Variants in CYRIB observed in about 807,000 individuals in gnomAD.
CYRIB encodes the protein CYFIP related Rac1 interactor B.
CYRIB carries 8 observed loss-of-function variants against 44.2 expected under a neutral mutation model. That is an observed-to-expected ratio of 0.18 (90% CI 0.11 to 0.33). The LOEUF is 0.33. CYRIB is among the 10% of genes least tolerant of loss of function. CYRIB has a pLI of 1.00. For missense variants in CYRIB, 185 were observed against 382.8 expected (o/e 0.48, Z 4.31); for synonymous variants, 131 against 127.2 (o/e 1.03, Z -0.20).
At chr8:129,932,876 C>G (rs1486750861) in intron 1 of CYRIB, among the ~76,000 whole-genome samples, 1 of 152,132 alleles carries the variant, frequency 6.6e-6, no homozygotes, top group African/African-American at 2.4e-5. Flanking sequence ...GACTCCCCCA[C>G]CTGTTTACCT....
intron 1 of CYRIB, among the ~76,000 whole-genome samples, chr8:130,007,771 C>T (rs1348163180): frequency 6.7e-6 from 1 of 150,056 alleles, no homozygotes; most frequent in Admixed American, 6.6e-5. Flanking sequence ...GCAACAAGAG[C>T]GAAACTCCAT....
At chr8:129,963,052 C>T (rs2095334266) in intron 2 of CYRIB, among the ~76,000 whole-genome samples, 1 of 152,150 alleles carries the variant, frequency 6.6e-6, no homozygotes, top group Non-Finnish European at 1.5e-5. Context: ...AAAGACCAAT[C>T]AGAAAGACAG....
At chr8:129,867,769 T>G (rs10956502) in intron 4 of CYRIB, among the ~76,000 whole-genome samples, 33,672 of 152,176 alleles carry the variant, frequency 0.22, 4,726 homozygotes, top group East Asian at 0.53. Context: ...TTTGCTACTA[T>G]GAATAAGGCG....
intron 2 of CYRIB, among the ~76,000 whole-genome samples, chr8:129,960,119 ATC>A (rs1268703227): frequency 1.3e-5 from 2 of 152,200 alleles, no homozygotes; most frequent in African/African-American, 2.4e-5. Context: ...TAACTGATAC[ATC>A]CTGGTGCATG....
chr8:129,933,318 C>T (rs1305489779), intron 1 of CYRIB, among the ~76,000 whole-genome samples: 5 of 152,100 alleles, frequency 3.3e-5, no homozygotes, highest in Admixed American at 3.3e-4. Context: ...CTGAGGTCTC[C>T]CTGATCCCCA....
At chr8:130,002,844 T>A (rs1478689634) in intron 1 of CYRIB, among the ~76,000 whole-genome samples, 2 of 152,234 alleles carry the variant, frequency 1.3e-5, no homozygotes, top group Non-Finnish European at 2.9e-5. Flanking sequence ...ACGCCTGTAA[T>A]CCCAACACTT....
At chr8:129,896,617 ATAAC>A (rs2068202118) in intron 2 of CYRIB, 2 of 152,180 alleles carry the variant, frequency 1.3e-5, no homozygotes, top group African/African-American at 4.8e-5. Context: ...TGCACAGAGA[ATAAC>A]TAAGGGCTAC....
At chr8:129,897,844 C>A (rs2068886464) in intron 2 of CYRIB, among the ~76,000 whole-genome samples, 1 of 152,044 alleles carries the variant, frequency 6.6e-6, no homozygotes, top group East Asian at 1.9e-4. Flanking sequence ...TGGCTCACTG[C>A]AATCTCTGCC....
intron 4 of CYRIB, chr8:129,864,909 T>C (rs963570767): frequency 2.5e-5 from 9 of 361,310 alleles, no homozygotes; most frequent in African/African-American, 1.3e-4. Context: ...CAGATCACCA[T>C]ACCAGTCTAT....
intron 1 of CYRIB, among the ~76,000 whole-genome samples, chr8:129,982,843 C>T (rs2096289400): frequency 6.6e-6 from 1 of 152,112 alleles, no homozygotes. Flanking sequence ...CTGGGCTCAC[C>T]ACCTCTTTCT....
intron 1 of CYRIB, among the ~76,000 whole-genome samples, chr8:129,987,985 T>C (rs2096525905): frequency 6.6e-6 from 1 of 152,170 alleles, no homozygotes; most frequent in Non-Finnish European, 1.5e-5. Context: ...ATGTCTTCAA[T>C]GTAAAGTTTT....
rs2050133136 is a variant in CYRIB, at chr8:129,862,210, T to C, written c.301+19A>G. On this transcript the variant is annotated intron_variant, in intron 5 of 11. Coordinates refer to ENST00000519824, the Ensembl canonical transcript of CYRIB. ...TCTTTTTCACTAGGGAAGTCACAAT[T>C]ACAAAACTTTCAACTTACCTAACCT... The C allele has an allele frequency of 6.4e-7, 1 of 1,552,126 alleles. No homozygotes were observed. The highest frequency in any genetic ancestry group is 2.2e-5 in the East Asian group (1 of 44,566).
intron 1 of CYRIB, among the ~76,000 whole-genome samples, chr8:129,904,290 A>G (rs2074052766): frequency 1.3e-5 from 2 of 152,144 alleles, no homozygotes; most frequent in Non-Finnish European, 1.5e-5. Context: ...AGACGTCTAC[A>G]GGAATTCTTC....
At chr8:129,843,084 A>G (rs538861533) in intron 11 of CYRIB, among the ~76,000 whole-genome samples, 68 of 152,256 alleles carry the variant, frequency 4.5e-4, no homozygotes, top group Non-Finnish European at 7.8e-4. Context: ...ACTATGTCTC[A>G]GGCACTGTTC....
Position 129,975,027 on chromosome 8 carries a change from C to T in CYRIB, c.-295-4032G>A, listed in dbSNP as rs145676296. Among the ~76,000 whole-genome samples, 147 of 152,090 alleles carry T rather than the reference C, an allele frequency of 9.7e-4. 1 individual carries two copies. The highest frequency in any genetic ancestry group is 3.2e-3 in the African/African-American group (133 of 41,462). On this transcript the variant is annotated intron_variant, in intron 1 of 14. Coordinates refer to the CYRIB transcript ENST00000401979. ...CCCGAGTAGCTTGGGACTACAGGCA[C>T]CTGCCAGCACGCCCAGCTAATTTTT...
intron 5 of CYRIB, among the ~76,000 whole-genome samples, chr8:129,857,494 A>T (rs1839791127): frequency 1.3e-5 from 2 of 152,236 alleles, no homozygotes; most frequent in African/African-American, 4.8e-5. Context: ...GAGGGTAACC[A>T]GGACTAAGAT....
At chr8:129,843,945 T>C (rs2038154686) in intron 11 of CYRIB, 1 of 152,106 alleles carries the variant, frequency 6.6e-6, no homozygotes, top group South Asian at 2.1e-4. Context: ...GAAGACAAGA[T>C]AAGCAGCCAG....
intron 1 of CYRIB, among the ~76,000 whole-genome samples, chr8:129,989,261 A>G (rs2096562031): frequency 6.6e-6 from 1 of 152,064 alleles, no homozygotes; most frequent in Non-Finnish European, 1.5e-5. Context: ...CAGGCGTTAG[A>G]CTTTCTGTGG....
At chr8:129,905,653 C>T (rs544786540) in intron 1 of CYRIB, among the ~76,000 whole-genome samples, 2 of 152,168 alleles carry the variant, frequency 1.3e-5, no homozygotes, top group South Asian at 4.2e-4. Context: ...AACTTCCTTC[C>T]CTAAGGCCCA....
Sources: gnomAD v4.1 joint callset for allele counts (sites outside exome capture counted in the v4.1 genomes callset) on GRCh38, gnomAD v4.1.1 for gene constraint, MANE v1.5 for transcripts, NCBI Gene and HGNC (gene_info 2026-07-23, HGNC 2026-07-21) for gene names.